Variants in GALNT13 observed in about 807,000 individuals in gnomAD.
The protein encoded by GALNT13 is UDP-GalNAc:polypeptide N-acetylgalactosaminyltransferase 13.
In GALNT13, 28 loss-of-function variants were observed where a neutral mutation model predicts 64.2. That is an observed-to-expected ratio of 0.44 (90% CI 0.32 to 0.60). The LOEUF is 0.60. Among genes scored for constraint, GALNT13 ranks in the 20% least tolerant of loss-of-function variants. The pLI, the probability that GALNT13 is intolerant of heterozygous loss-of-function variation, is 0.05. For missense variants in GALNT13, 577 were observed against 669.8 expected, an observed-to-expected ratio of 0.86 and a Z score of 1.53; for synonymous variants, 214 against 224.6, an observed-to-expected ratio of 0.95 and a Z score of 0.42.
the GALNT13 span, among the ~76,000 whole-genome samples, chr2:153,496,788 C>T: frequency 4.0e-5 from 6 of 151,820 alleles, no homozygotes; most frequent in African/African-American, 1.5e-4. Context: ...TGGTTCAAGA[C>T]CAGCCTGGCC....
At chr2:154,152,892 T>A (rs1483405599) in intron 4 of GALNT13, among the ~76,000 whole-genome samples, 2 of 152,168 alleles carry the variant, frequency 1.3e-5, no homozygotes, top group African/African-American at 4.8e-5. Context: ...TCCTGTAGGT[T>A]GGAGTAGTTT....
At chr2:153,372,244 C>G in the GALNT13 span, among the ~76,000 whole-genome samples, 5 of 152,024 alleles carry the variant, frequency 3.3e-5, no homozygotes, top group Admixed American at 3.3e-4. Flanking sequence ...ATTTATCATC[C>G]CCACTTTCTA....
chr2:154,098,817 A>G (rs185227917), intron 3 of GALNT13, among the ~76,000 whole-genome samples: 1 of 152,144 alleles, frequency 6.6e-6, no homozygotes, highest in African/African-American at 2.4e-5. Flanking sequence ...TCATCCAGTA[A>G]TCCCTTGAAG....
chr2:153,325,692 T>C, the GALNT13 span, among the ~76,000 whole-genome samples: 1 of 152,238 alleles, frequency 6.6e-6, no homozygotes, highest in Non-Finnish European at 1.5e-5. Flanking sequence ...TTCTGGTATG[T>C]TGTGTCTTTG....
chr2:154,262,413 CCT>C (rs1690748948), intron 8 of GALNT13, among the ~76,000 whole-genome samples: 1 of 152,196 alleles, frequency 6.6e-6, no homozygotes, highest in Non-Finnish European at 1.5e-5. Context: ...ATCTTATCTT[CCT>C]CTTATAGGCT....
chr2:153,701,001 A>G, the GALNT13 span, among the ~76,000 whole-genome samples: 1 of 152,174 alleles, frequency 6.6e-6, no homozygotes, highest in Non-Finnish European at 1.5e-5. Flanking sequence ...ACTTCTTTAC[A>G]TTTCATATGG....
chr2:153,094,934 C>T, the GALNT13 span, among the ~76,000 whole-genome samples: 177 of 152,166 alleles, frequency 1.2e-3, no homozygotes, highest in African/African-American at 4.0e-3. Context: ...CCATAAAAAC[C>T]CTAGAAGAGA....
the GALNT13 span, among the ~76,000 whole-genome samples, chr2:153,087,397 G>T: frequency 1.3e-5 from 2 of 152,026 alleles, no homozygotes; most frequent in African/African-American, 4.8e-5. Flanking sequence ...TTTTGTTGAT[G>T]ATCTTTGCAT....
At chr2:153,400,784 T>C in the GALNT13 span, among the ~76,000 whole-genome samples, 5 of 152,254 alleles carry the variant, frequency 3.3e-5, no homozygotes, top group Non-Finnish European at 7.4e-5. Context: ...CCCTTTATCA[T>C]TTTTTATTGT....
At chr2:153,285,350 A>G in the GALNT13 span, among the ~76,000 whole-genome samples, 1 of 152,168 alleles carries the variant, frequency 6.6e-6, no homozygotes, top group Non-Finnish European at 1.5e-5. Context: ...ATAGGTATAC[A>G]TATACATACA....
At chr2:153,887,354 C>T (rs1245296702) in intron 1 of GALNT13, among the ~76,000 whole-genome samples, 1 of 149,610 alleles carries the variant, frequency 6.7e-6, no homozygotes, top group African/African-American at 2.5e-5. Flanking sequence ...TAAATTTGGC[C>T]TGCTTAACCG....
chr2:153,629,792 G>C, the GALNT13 span, among the ~76,000 whole-genome samples: 196 of 143,770 alleles, frequency 1.4e-3, no homozygotes, highest in Admixed American at 3.2e-3. Context: ...AACTCAAACA[G>C]ATTTACAAGA....
intron 3 of GALNT13, among the ~76,000 whole-genome samples, chr2:154,023,560 C>T (rs1697700051): frequency 6.6e-6 from 1 of 152,134 alleles, no homozygotes; most frequent in Non-Finnish European, 1.5e-5. Context: ...GATCTTCCTC[C>T]ATCCTTTTAT....
At chr2:153,903,851 C>A (rs1184713916) in intron 2 of GALNT13, among the ~76,000 whole-genome samples, 1 of 151,928 alleles carries the variant, frequency 6.6e-6, no homozygotes, top group Non-Finnish European at 1.5e-5. Context: ...ATGTAACCAT[C>A]CCACAGGTCA....
intron 11 of GALNT13, among the ~76,000 whole-genome samples, chr2:154,434,656 T>G (rs1574299183): frequency 6.6e-6 from 1 of 152,142 alleles, no homozygotes; most frequent in Non-Finnish European, 1.5e-5. Context: ...TTTTAGTGGT[T>G]GTTTGTAGAC....
the GALNT13 span, among the ~76,000 whole-genome samples, chr2:153,829,279 CTG>C: frequency 6.6e-6 from 1 of 152,024 alleles, no homozygotes; most frequent in Non-Finnish European, 1.5e-5. Flanking sequence ...TTTTTTCACA[CTG>C]TGGATAAAGG....
chr2:154,309,106 T>C (rs961099327), intron 9 of GALNT13, among the ~76,000 whole-genome samples: 2 of 152,192 alleles, frequency 1.3e-5, no homozygotes, highest in African/African-American at 4.8e-5. Flanking sequence ...CGTTAAAGTG[T>C]GAACTATCTA....
chr2:154,396,969 T>C (rs1258669052), intron 10 of GALNT13, among the ~76,000 whole-genome samples: 1 of 150,080 alleles, frequency 6.7e-6, no homozygotes. Context: ...TATTCCTGTA[T>C]TCATCTCATA....
chr2:153,256,112 C>T, the GALNT13 span, among the ~76,000 whole-genome samples: 17 of 152,028 alleles, frequency 1.1e-4, no homozygotes, highest in South Asian at 4.1e-4. Context: ...ACCAATCAGA[C>T]GTAGATTTGG....
Sources: allele counts gnomAD v4.1 joint callset (sites outside exome capture counted in the v4.1 genomes callset), GRCh38; gene constraint gnomAD v4.1.1; transcripts MANE v1.5; gene names NCBI Gene and HGNC (gene_info 2026-07-23, HGNC 2026-07-21).